Variants in PCCA observed in about 807,000 individuals in gnomAD.
PCCA encodes propionyl-CoA carboxylase alpha chain, mitochondrial.
PCCA carries 74 observed loss-of-function variants against 101.3 expected under a neutral mutation model. The observed-to-expected ratio is 0.73, with a 90% CI of 0.61 to 0.89. The LOEUF (loss-of-function observed/expected upper bound fraction) is 0.89, where lower values mean the gene tolerates loss of function less well. Ranked by LOEUF, PCCA falls within the 40% of genes least tolerant of loss-of-function variation. PCCA has a pLI of 0.00. For missense variants in PCCA, 891 were observed against 907.0 expected (o/e 0.98, Z 0.23); for synonymous variants, 294 against 313.6 (o/e 0.94, Z 0.66).
intron 19 of PCCA, among the ~76,000 whole-genome samples, chr13:100,423,307 C>T (rs566894608): frequency 6.6e-6 from 1 of 152,318 alleles, no homozygotes; most frequent in South Asian, 2.1e-4. Context: ...TTCGGTTCAG[C>T]CAGCCCACCT....
intron 20 of PCCA, among the ~76,000 whole-genome samples, chr13:100,426,951 C>T (rs2079187869): frequency 6.6e-6 from 1 of 152,174 alleles, no homozygotes; most frequent in African/African-American, 2.4e-5. Context: ...CACGGTGGCT[C>T]ACGCCTGTAA....
At chr13:100,486,881 T>G (rs1336928983) in intron 21 of PCCA, among the ~76,000 whole-genome samples, 1 of 152,210 alleles carries the variant, frequency 6.6e-6, no homozygotes, top group Non-Finnish European at 1.5e-5. Context: ...ATCGTACCAC[T>G]GCACTCCAGC....
intron 12 of PCCA, among the ~76,000 whole-genome samples, chr13:100,300,485 G>A (rs2065978586): frequency 1.3e-5 from 2 of 152,168 alleles, no homozygotes; most frequent in South Asian, 4.1e-4. Context: ...CTGTGTCAGA[G>A]TGTATGAAAT....
chr13:100,515,627 C>T (rs759975972), intron 22 of PCCA, 60 bp downstream of exon 22: 79 of 1,584,058 alleles, frequency 5.0e-5, no homozygotes, highest in Admixed American at 1.2e-4. Flanking sequence ...CCTTCCAAAG[C>T]GACGGCTAAC....
intron 1 of PCCA, among the ~76,000 whole-genome samples, chr13:100,102,034 GT>G (rs1047400785): frequency 6.6e-6 from 1 of 152,020 alleles, no homozygotes; most frequent in Non-Finnish European, 1.5e-5. Flanking sequence ...CCTTTTGCTG[GT>G]TTTTTTCCTC....
chr13:100,473,622 T>C (rs906674077), intron 21 of PCCA, among the ~76,000 whole-genome samples: 1 of 152,218 alleles, frequency 6.6e-6, no homozygotes, highest in African/African-American at 2.4e-5. Flanking sequence ...AAACTGGTTG[T>C]GTGACCTTCG....
chr13:100,291,281 A>G (rs1289907352), intron 12 of PCCA, among the ~76,000 whole-genome samples: 1 of 152,152 alleles, frequency 6.6e-6, no homozygotes, highest in African/African-American at 2.4e-5. Flanking sequence ...CATTTCTTAA[A>G]AAAAAGAAAA....
chr13:100,099,315 C>CTTTTT (rs940373587), intron 1 of PCCA, among the ~76,000 whole-genome samples: 4 of 124,506 alleles, frequency 3.2e-5, no homozygotes, highest in Non-Finnish European at 3.4e-5. Flanking sequence ...GCTATCTAAT[C>CTTTTT]TTTTTTTTTT....
chr13:100,482,089 A>G (rs2038672), intron 21 of PCCA, among the ~76,000 whole-genome samples: 93,643 of 152,158 alleles, frequency 0.62, 29,572 homozygotes, highest in East Asian at 0.85. Flanking sequence ...TCATTCTAAC[A>G]TGAACATTTC....
chr13:100,379,257 G>A (rs1290625178), intron 19 of PCCA, among the ~76,000 whole-genome samples: 1 of 152,116 alleles, frequency 6.6e-6, no homozygotes. Context: ...GTTATTAGTA[G>A]AGGCTGTAAT....
chr13:100,337,435 G>A (rs1248303461), intron 17 of PCCA, among the ~76,000 whole-genome samples: 1 of 152,202 alleles, frequency 6.6e-6, no homozygotes, highest in Non-Finnish European at 1.5e-5. Context: ...GCCTTACTTA[G>A]TATCAGGCCG....
chr13:100,217,631 C>T (rs1035595832), intron 7 of PCCA, among the ~76,000 whole-genome samples: 16 of 150,588 alleles, frequency 1.1e-4, no homozygotes, highest in Middle Eastern at 3.2e-3. Context: ...TTAAAAAAAT[C>T]CACCTGAGGT....
intron 9 of PCCA, among the ~76,000 whole-genome samples, chr13:100,260,399 T>TGTGTGTGTG (rs66947557): frequency 1.5e-5 from 2 of 131,120 alleles, no homozygotes; most frequent in East Asian, 2.2e-4. Context: ...GTGTGTGTGT[T>TGTGTGTGTG]TTTTTTTTTT....
At chr13:100,226,429 C>G (rs2060146499) in intron 7 of PCCA, among the ~76,000 whole-genome samples, 1 of 152,094 alleles carries the variant, frequency 6.6e-6, no homozygotes, top group Admixed American at 6.5e-5. Flanking sequence ...TAGGCAGTAG[C>G]AAGTGAGAAG....
chr13:100,326,272 C>A (rs182714817), intron 16 of PCCA, among the ~76,000 whole-genome samples: 4 of 152,036 alleles, frequency 2.6e-5, no homozygotes, highest in Non-Finnish European at 2.9e-5. Context: ...AATCCAAGAG[C>A]GGATAGACAC....
At chr13:100,117,255 A>G (rs1416525332) in intron 4 of PCCA, among the ~76,000 whole-genome samples, 5 of 152,054 alleles carry the variant, frequency 3.3e-5, no homozygotes, top group African/African-American at 9.7e-5. Context: ...TTTTTTCTGA[A>G]GCATTTCTTC....
At chr13:100,221,529 T>C (rs936631657) in intron 7 of PCCA, among the ~76,000 whole-genome samples, 1 of 152,154 alleles carries the variant, frequency 6.6e-6, no homozygotes, top group African/African-American at 2.4e-5. Context: ...TATGGAAAGG[T>C]AGACAGGAGA....
At chr13:100,247,245 TCTCA>T (rs2061491803) in intron 8 of PCCA, among the ~76,000 whole-genome samples, 1 of 127,270 alleles carries the variant, frequency 7.9e-6, no homozygotes, top group Non-Finnish European at 1.6e-5. Flanking sequence ...TGAGACAGAG[TCTCA>T]CTCTGTCGCC....
intron 16 of PCCA, among the ~76,000 whole-genome samples, chr13:100,316,789 T>C (rs1595291333): frequency 6.6e-6 from 1 of 151,974 alleles, no homozygotes; most frequent in Non-Finnish European, 1.5e-5. Flanking sequence ...CTTTTTTTTT[T>C]TGGAGATGGA....
Sources: gnomAD v4.1 joint callset for allele counts (sites outside exome capture counted in the v4.1 genomes callset) on GRCh38, gnomAD v4.1.1 for gene constraint, MANE v1.5 for transcripts, NCBI Gene and HGNC (gene_info 2026-07-23, HGNC 2026-07-21) for gene names.